C12orf54: variants seen among roughly 807,000 people sequenced by gnomAD.
C12orf54 encodes the protein chromosome 12 open reading frame 54.
Under a neutral mutation model 26.4 loss-of-function variants are expected in C12orf54, and 24 were observed. That is an observed-to-expected ratio of 0.91 (90% CI 0.66 to 1.28). The LOEUF is 1.28. Among genes scored for constraint, C12orf54 ranks in the 50% most tolerant of loss-of-function variants. C12orf54 has a pLI of 0.00. For missense variants in C12orf54, 154 were observed against 150.9 expected (o/e 1.02, Z -0.11); for synonymous variants, 54 against 47.0 (o/e 1.15, Z -0.61).
At chr12:48,489,752 T>C (rs1380028287) in intron 5 of C12orf54, among the ~76,000 whole-genome samples, 1 of 150,496 alleles carries the variant, frequency 6.6e-6, no homozygotes, top group East Asian at 2.0e-4. Flanking sequence ...GAGACAGTCT[T>C]GTTCTGTCAC....
intron 2 of C12orf54, among the ~76,000 whole-genome samples, chr12:48,485,865 G>A (rs1221599260): frequency 2.0e-5 from 3 of 152,224 alleles, no homozygotes; most frequent in Non-Finnish European, 4.4e-5. Context: ...AGGGTAGAGA[G>A]TGGACATAAA....
upstream of C12orf54, among the ~76,000 whole-genome samples, chr12:48,481,568 A>G (rs1245337758): frequency 1.3e-5 from 2 of 152,150 alleles, no homozygotes; most frequent in Admixed American, 6.5e-5. Flanking sequence ...CCTTTCCTTT[A>G]AAGTCTGCTA....
the C12orf54 span, among the ~76,000 whole-genome samples, chr12:48,425,597 G>A: frequency 1.3e-5 from 2 of 152,046 alleles, no homozygotes; most frequent in Non-Finnish European, 2.9e-5. Flanking sequence ...ATACCCAGTA[G>A]TGGATTTCTG....
At chr12:48,440,323 A>G in the C12orf54 span, among the ~76,000 whole-genome samples, 1 of 152,202 alleles carries the variant, frequency 6.6e-6, no homozygotes, top group African/African-American at 2.4e-5. Flanking sequence ...AGGTGAAGGG[A>G]AGGATGACAC....
upstream of C12orf54, among the ~76,000 whole-genome samples, chr12:48,478,860 GA>G (rs1954171171): frequency 6.6e-6 from 1 of 152,168 alleles, no homozygotes; most frequent in Admixed American, 6.6e-5. Context: ...AAAAAGTCAG[GA>G]AACAACAGGT....
chr12:48,434,676 C>A, the C12orf54 span, among the ~76,000 whole-genome samples: 1 of 152,202 alleles, frequency 6.6e-6, no homozygotes, highest in Non-Finnish European at 1.5e-5. Flanking sequence ...CTCCAGGAAA[C>A]TCCAACAGAC....
At chr12:48,419,592 G>T in the C12orf54 span, among the ~76,000 whole-genome samples, 2 of 152,266 alleles carry the variant, frequency 1.3e-5, no homozygotes, top group African/African-American at 2.4e-5. Flanking sequence ...TAGATGATGG[G>T]GGGTAGGAGA....
At chr12:48,471,804 T>C in the C12orf54 span, among the ~76,000 whole-genome samples, 1 of 152,184 alleles carries the variant, frequency 6.6e-6, no homozygotes, top group African/African-American at 2.4e-5. Flanking sequence ...TCTTTTTACT[T>C]GGGGCTACTT....
At chr12:48,489,101 C>A in intron 5 of C12orf54, 145 bp downstream of exon 5, 1 of 861,296 alleles carries the variant, frequency 1.2e-6, no homozygotes, top group Non-Finnish European at 2.0e-6. Flanking sequence ...TAAAGAGTAC[C>A]ACTGACTTGT....
chr12:48,493,086 T>C, intron 7 of C12orf54, 91 bp downstream of exon 7: 1 of 1,214,400 alleles, frequency 8.2e-7, no homozygotes, highest in South Asian at 1.2e-5. Context: ...CTCTGAGCCT[T>C]GAGCCTTCAG....
At chr12:48,440,566 C>G in the C12orf54 span, among the ~76,000 whole-genome samples, 3 of 152,206 alleles carry the variant, frequency 2.0e-5, no homozygotes, top group Admixed American at 2.0e-4. Flanking sequence ...TCTACCATTT[C>G]TACAGCATTA....
At chr12:48,465,029 G>A in the C12orf54 span, among the ~76,000 whole-genome samples, 4 of 151,942 alleles carry the variant, frequency 2.6e-5, no homozygotes, top group Non-Finnish European at 5.9e-5. Context: ...TGACAAAAAT[G>A]CCAAAAGCAA....
At chr12:48,446,422 T>C in the C12orf54 span, among the ~76,000 whole-genome samples, 1 of 152,192 alleles carries the variant, frequency 6.6e-6, no homozygotes, top group Non-Finnish European at 1.5e-5. Context: ...TACACAATCA[T>C]TTCTCTATGC....
the C12orf54 span, among the ~76,000 whole-genome samples, chr12:48,447,212 C>CTGTGTGTGTGTGTGTGTG: frequency 1.1e-5 from 1 of 90,972 alleles, no homozygotes; most frequent in African/African-American, 3.2e-5. Flanking sequence ...CTCTCTTACT[C>CTGTGTGTGTGTGTGTGTG]TGTGTGTGTG....
chr12:48,457,127 G>A, the C12orf54 span, among the ~76,000 whole-genome samples: 17,583 of 151,906 alleles, frequency 0.12, 1,537 homozygotes, highest in East Asian at 0.4. Context: ...CCAGCACATC[G>A]TGGGTAATCC....
chr12:48,460,234 T>G, the C12orf54 span, among the ~76,000 whole-genome samples: 6 of 152,148 alleles, frequency 3.9e-5, no homozygotes, highest in East Asian at 7.7e-4. Flanking sequence ...CTCTTCTGAT[T>G]GTTATAGAAA....
chr12:48,436,244 A>C, the C12orf54 span, among the ~76,000 whole-genome samples: 10 of 152,240 alleles, frequency 6.6e-5, no homozygotes, highest in African/African-American at 1.2e-4. Flanking sequence ...TACAGGAGCA[A>C]CCAGATTCAT....
the C12orf54 span, among the ~76,000 whole-genome samples, chr12:48,422,382 A>C: frequency 1.2e-4 from 19 of 152,360 alleles, 1 homozygote; most frequent in South Asian, 3.9e-3. Flanking sequence ...ATTTCTTTCC[A>C]TCAGGATTTA....
chr12:48,489,809 C>T (rs1322574922), intron 5 of C12orf54, among the ~76,000 whole-genome samples: 1 of 151,862 alleles, frequency 6.6e-6, no homozygotes, highest in Non-Finnish European at 1.5e-5. Context: ...ACAACCTCCG[C>T]CTCCCGAGTT....
Sources: gnomAD v4.1 joint callset for allele counts (sites outside exome capture counted in the v4.1 genomes callset) on GRCh38, gnomAD v4.1.1 for gene constraint, MANE v1.5 for transcripts, NCBI Gene and HGNC (gene_info 2026-07-23, HGNC 2026-07-21) for gene names.